The following ST6GALNAC3 variants were observed in gnomAD, a reference collection of about 807,000 sequenced individuals.
ST6GALNAC3 encodes alpha-N-acetylgalactosaminide alpha-2,6-sialyltransferase 3.
A neutral mutation model predicts 32.7 loss-of-function variants in ST6GALNAC3; 25 were observed. The observed-to-expected ratio is 0.76, with a 90% CI of 0.56 to 1.07. The LOEUF is 1.07. ST6GALNAC3 is among the 50% of genes least tolerant of loss of function. The pLI is 0.00. For synonymous variants in ST6GALNAC3, 129 were observed against 133.1 expected, an observed-to-expected ratio of 0.97 and a Z score of 0.21; for missense variants, 355 against 382.4, an observed-to-expected ratio of 0.93 and a Z score of 0.60.
chr1:76,448,445 G>C (rs1009323060), intron 3 of ST6GALNAC3, among the ~76,000 whole-genome samples: 1 of 152,092 alleles, frequency 6.6e-6, no homozygotes, highest in Admixed American at 6.5e-5. Context: ...AGGGACTGTT[G>C]GGAAGGCATG....
chr1:76,397,495 G>A (rs6699305), intron 2 of ST6GALNAC3, among the ~76,000 whole-genome samples: 95,761 of 150,656 alleles, frequency 0.64, 31,107 homozygotes, highest in South Asian at 0.82. Context: ...TCAGCCTCCC[G>A]AGTAACTGGG....
intron 3 of ST6GALNAC3, among the ~76,000 whole-genome samples, chr1:76,433,051 C>T (rs1196054804): frequency 6.6e-6 from 1 of 152,118 alleles, no homozygotes; most frequent in Admixed American, 6.6e-5. Flanking sequence ...TTTCTTTCTG[C>T]TACCTGCTCA....
At chr1:76,435,966 C>T (rs1344856372) in intron 3 of ST6GALNAC3, among the ~76,000 whole-genome samples, 1 of 151,976 alleles carries the variant, frequency 6.6e-6, no homozygotes, top group Non-Finnish European at 1.5e-5. Context: ...GTGCACCCAT[C>T]ACCCAAACAG....
At chr1:76,628,547 A>G in intron 4 of ST6GALNAC3, 73 bp from the exon 5 acceptor site, 10 of 1,369,636 alleles carry the variant, frequency 7.3e-6, no homozygotes, top group Non-Finnish European at 9.7e-6. Context: ...TGGGCACATA[A>G]TGGATTCTTG....
chr1:76,480,264 A>G (rs555469443), intron 3 of ST6GALNAC3, among the ~76,000 whole-genome samples: 1 of 152,336 alleles, frequency 6.6e-6, no homozygotes, highest in East Asian at 1.9e-4. Context: ...CATTTTTCCC[A>G]GATAAATTAG....
At chr1:76,363,491 T>A (rs1570970961) in intron 2 of ST6GALNAC3, among the ~76,000 whole-genome samples, 1 of 152,342 alleles carries the variant, frequency 6.6e-6, no homozygotes, top group Admixed American at 6.5e-5. Flanking sequence ...CATTCCCTCA[T>A]CTTCCTTTCT....
intron 1 of ST6GALNAC3, among the ~76,000 whole-genome samples, chr1:76,121,357 C>A (rs1368404757): frequency 6.6e-6 from 1 of 152,132 alleles, no homozygotes; most frequent in Non-Finnish European, 1.5e-5. Flanking sequence ...CCAAAACATC[C>A]CATCTCATCT....
At chr1:76,504,533 G>T (rs1233990778) in intron 3 of ST6GALNAC3, among the ~76,000 whole-genome samples, 2 of 152,068 alleles carry the variant, frequency 1.3e-5, no homozygotes, top group Non-Finnish European at 2.9e-5. Context: ...CCAATATCTA[G>T]TGTGAAGAAT....
intron 2 of ST6GALNAC3, among the ~76,000 whole-genome samples, chr1:76,375,078 A>T (rs1651117402): frequency 6.6e-6 from 1 of 152,158 alleles, no homozygotes; most frequent in Admixed American, 6.5e-5. Context: ...ATTCCAAAGG[A>T]GGTGGTACAT....
chr1:76,332,319 T>G (rs1647203105), intron 2 of ST6GALNAC3, among the ~76,000 whole-genome samples: 1 of 152,168 alleles, frequency 6.6e-6, no homozygotes, highest in Non-Finnish European at 1.5e-5. Context: ...TGAGATGCCA[T>G]GTACTTTCTT....
chr1:76,266,084 A>C (rs1658509581), intron 1 of ST6GALNAC3, among the ~76,000 whole-genome samples: 4 of 152,182 alleles, frequency 2.6e-5, no homozygotes, highest in Admixed American at 2.0e-4. Context: ...TATAGTGTTC[A>C]GGGGGCACTT....
intron 1 of ST6GALNAC3, among the ~76,000 whole-genome samples, chr1:76,177,841 C>T (rs896579195): frequency 1.3e-5 from 2 of 152,164 alleles, no homozygotes; most frequent in Non-Finnish European, 2.9e-5. Context: ...CTAGCCCAGC[C>T]GTGCTCCACG....
At chr1:76,235,062 G>A (rs1656573312) in intron 1 of ST6GALNAC3, among the ~76,000 whole-genome samples, 1 of 152,232 alleles carries the variant, frequency 6.6e-6, no homozygotes, top group Admixed American at 6.5e-5. Context: ...GCACTGCTGT[G>A]TAGGAGGTGC....
intron 1 of ST6GALNAC3, among the ~76,000 whole-genome samples, chr1:76,158,939 A>G (rs1433541015): frequency 6.6e-6 from 1 of 152,078 alleles, no homozygotes; most frequent in Admixed American, 6.6e-5. Context: ...CTGGCAAGGG[A>G]CTGAGCCAGG....
At chr1:76,490,871 T>C (rs1326028107) in intron 3 of ST6GALNAC3, among the ~76,000 whole-genome samples, 1 of 151,938 alleles carries the variant, frequency 6.6e-6, no homozygotes, top group African/African-American at 2.4e-5. Flanking sequence ...TTTTTGTTTT[T>C]TTTTGAGACA....
intron 3 of ST6GALNAC3, among the ~76,000 whole-genome samples, chr1:76,560,393 A>G (rs1187152700): frequency 6.6e-6 from 1 of 152,194 alleles, no homozygotes; most frequent in African/African-American, 2.4e-5. Context: ...AAGTGAAGCG[A>G]CAACCCACAG....
intron 1 of ST6GALNAC3, among the ~76,000 whole-genome samples, chr1:76,098,239 G>C (rs1027330964): frequency 6.6e-6 from 1 of 152,206 alleles, no homozygotes; most frequent in Non-Finnish European, 1.5e-5. Flanking sequence ...AATAGTTGTA[G>C]AATAGCAGAA....
At chr1:76,187,042 A>G (rs1226942238) in intron 1 of ST6GALNAC3, among the ~76,000 whole-genome samples, 2 of 152,202 alleles carry the variant, frequency 1.3e-5, no homozygotes, top group Non-Finnish European at 2.9e-5. Flanking sequence ...TTAAAACTCA[A>G]AATGTGCCAT....
At chr1:76,364,360 C>T (rs1570973764) in intron 2 of ST6GALNAC3, among the ~76,000 whole-genome samples, 1 of 152,002 alleles carries the variant, frequency 6.6e-6, no homozygotes, top group East Asian at 1.9e-4. Flanking sequence ...ACTAGCCTGG[C>T]CAACATGGCA....
Sources: allele counts gnomAD v4.1 joint callset (sites outside exome capture counted in the v4.1 genomes callset), GRCh38; gene constraint gnomAD v4.1.1; transcripts MANE v1.5; gene names NCBI Gene and HGNC (gene_info 2026-07-23, HGNC 2026-07-21).